Variants in SBF2 observed in about 807,000 individuals in gnomAD.
SBF2 encodes SET binding factor 2.
SBF2 carries 112 observed loss-of-function variants against 225.2 expected under a neutral mutation model. The ratio of observed to expected loss-of-function variants is 0.50; its 90% CI spans 0.43 to 0.58. The LOEUF (loss-of-function observed/expected upper bound fraction) is 0.58, where lower values mean the gene tolerates loss of function less well. Ranked by LOEUF, SBF2 falls within the 20% of genes least tolerant of loss-of-function variation. SBF2 has a pLI of 0.00. For synonymous variants in SBF2, 763 were observed against 773.3 expected (o/e 0.99, Z 0.22); for missense variants, 1,996 against 2,206.2 (o/e 0.90, Z 1.91).
At chr11:10,069,354 C>T (rs1950766844) in intron 2 of SBF2, among the ~76,000 whole-genome samples, 1 of 144,634 alleles carries the variant, frequency 6.9e-6, no homozygotes, top group Non-Finnish European at 1.5e-5. Flanking sequence ...TGTTCCCCAC[C>T]CTATTCCAAG....
chr11:10,196,876 T>TTTTTTTTTTTTTTTTTC (rs71034756), intron 1 of SBF2, among the ~76,000 whole-genome samples: 5 of 119,108 alleles, frequency 4.2e-5, no homozygotes, highest in African/African-American at 1.2e-4. Context: ...ATTTTTTTTT[T>TTTTTTTTTTTTTTTTTC]CCTACAAAAT....
chr11:10,072,275 A>C (rs1330580643), intron 2 of SBF2, among the ~76,000 whole-genome samples: 1 of 152,190 alleles, frequency 6.6e-6, no homozygotes, highest in Non-Finnish European at 1.5e-5. Flanking sequence ...AAAACTTCAC[A>C]AACGGTTTCT....
chr11:10,179,210 G>C lies in SBF2; in HGVS notation c.141+14692C>G, dbSNP rs151175883. Reference sequence around the variant, plus strand: ...GGACTGTTGTATGGTGGGGGGAGGCGGGAGGGATAGCATTGGGAGATATAT... The same window carrying C: ...GGACTGTTGTATGGTGGGGGGAGGCCGGAGGGATAGCATTGGGAGATATAT... On this transcript the variant is annotated intron_variant, in intron 2 of 39. Coordinates refer to ENST00000256190, the MANE Select transcript of SBF2 (RefSeq NM_030962.4). Among the ~76,000 whole-genome samples the C allele has an allele frequency of 3.1e-3, 469 of 151,392 alleles. 5 individuals carry two copies. The East Asian group carries it at 0.051, about 17-fold the overall frequency.
At chr11:10,052,468 CTTTG>C (rs906745516) in intron 2 of SBF2, among the ~76,000 whole-genome samples, 18 of 152,118 alleles carry the variant, frequency 1.2e-4, no homozygotes, top group African/African-American at 4.1e-4. Flanking sequence ...GTTCTTCTGT[CTTTG>C]TTTATCTCTA....
chr11:10,226,055 T>C (rs1020511394), intron 1 of SBF2, among the ~76,000 whole-genome samples: 1 of 152,132 alleles, frequency 6.6e-6, no homozygotes, highest in African/African-American at 2.4e-5. Flanking sequence ...ACTGAAAAAA[T>C]TTAAATGACC....
intron 16 of SBF2, among the ~76,000 whole-genome samples, chr11:9,936,740 G>C (rs1864927497): frequency 6.6e-6 from 1 of 152,172 alleles, no homozygotes; most frequent in Non-Finnish European, 1.5e-5. Flanking sequence ...CTCATAGGTG[G>C]GAATTGAACA....
At chr11:9,952,231 C>T (rs534455910) in intron 16 of SBF2, among the ~76,000 whole-genome samples, 78 of 138,240 alleles carry the variant, frequency 5.6e-4, no homozygotes, top group Admixed American at 3.6e-3. Flanking sequence ...CAGCCTCTCT[C>T]TCATAAAAAT....
intron 20 of SBF2, 97 bp from the exon 21 acceptor site, chr11:9,852,846 C>T (rs960844149): frequency 1.2e-5 from 11 of 955,034 alleles, no homozygotes; most frequent in Non-Finnish European, 1.7e-5. Flanking sequence ...TTACAGTTTA[C>T]TGGTTCCTCA....
intron 2 of SBF2, among the ~76,000 whole-genome samples, chr11:10,091,508 G>A (rs1048566090): frequency 1.3e-5 from 2 of 152,116 alleles, no homozygotes; most frequent in African/African-American, 4.8e-5. Flanking sequence ...CATAAAGAAA[G>A]TGCTCCATAA....
chr11:9,970,595 T>C (rs1299300155), intron 13 of SBF2, among the ~76,000 whole-genome samples: 1 of 152,200 alleles, frequency 6.6e-6, no homozygotes, highest in African/African-American at 2.4e-5. Flanking sequence ...ATATAGCTAG[T>C]ATGCCTCAGC....
chr11:10,122,600 A>C (rs374066091), intron 2 of SBF2, among the ~76,000 whole-genome samples: 9 of 152,230 alleles, frequency 5.9e-5, no homozygotes, highest in East Asian at 5.8e-4. Context: ...GATATCACAA[A>C]TCTTTATTAA....
intron 13 of SBF2, among the ~76,000 whole-genome samples, chr11:9,983,077 G>C (rs1947027143): frequency 6.6e-6 from 1 of 152,192 alleles, no homozygotes; most frequent in Admixed American, 6.5e-5. Flanking sequence ...AAGCCCCGGG[G>C]GTGGTGGGGG....
intron 36 of SBF2, among the ~76,000 whole-genome samples, chr11:9,785,569 G>T (rs529996431): frequency 8.5e-5 from 13 of 152,164 alleles, no homozygotes; most frequent in Non-Finnish European, 1.3e-4. Flanking sequence ...ATTAAAAAAT[G>T]ATGCTGCTAT....
chr11:9,973,944 G>A (rs960544466), intron 13 of SBF2, among the ~76,000 whole-genome samples: 12 of 152,128 alleles, frequency 7.9e-5, no homozygotes, highest in East Asian at 1.9e-4. Context: ...ATTATTTAAC[G>A]TGCACAAATT....
chr11:9,812,585 C>T lies in SBF2; in HGVS notation c.4102G>A (p.Asp1368Asn), dbSNP rs144063037. Residue 1368 changes from aspartate (D) to asparagine (N), a missense_variant, in exon 30 of 40, where the codon GAC (aspartate) becomes AAC (asparagine). By Grantham distance (23) the Asp-to-Asn change is conservative. Transcript: ENST00000256190. ...GCTTTCAGGAAGGTCACTTCTGAGT[C>T]AGTAGGGATGGTGCTTGGGATACAA... ...RACIPSTIPT[D>N]SEVTFLKALG... The T allele has an allele frequency of 6.2e-6, 10 of 1,614,198 alleles. No homozygotes were observed. Among genetic ancestry groups the T allele is most frequent in the Non-Finnish European group, 8.5e-6 (10 of 1,180,042 alleles).
intron 2 of SBF2, among the ~76,000 whole-genome samples, chr11:10,096,605 G>C (rs954470912): frequency 1.3e-5 from 2 of 151,978 alleles, no homozygotes; most frequent in African/African-American, 4.8e-5. Flanking sequence ...AAGTAATTAT[G>C]CAAGTACAAA....
chr11:10,240,989 A>G (rs1323262270), intron 1 of SBF2, among the ~76,000 whole-genome samples: 1 of 152,214 alleles, frequency 6.6e-6, no homozygotes, highest in African/African-American at 2.4e-5. Context: ...ATTAATATTA[A>G]TAGATTAAAC....
intron 23 of SBF2, among the ~76,000 whole-genome samples, chr11:9,846,350 A>C (rs988032585): frequency 6.6e-6 from 1 of 152,232 alleles, no homozygotes; most frequent in Admixed American, 6.5e-5. Flanking sequence ...AAATCTGAGA[A>C]GTGATGAAGA....
intron 16 of SBF2, among the ~76,000 whole-genome samples, chr11:9,925,958 C>A (rs954455831): frequency 3.7e-5 from 4 of 109,390 alleles, no homozygotes; most frequent in African/African-American, 1.5e-4. Flanking sequence ...TTGGAACCAA[C>A]GTGATAACGT....
Sources: gnomAD v4.1 joint callset for allele counts (sites outside exome capture counted in the v4.1 genomes callset) on GRCh38, gnomAD v4.1.1 for gene constraint, MANE v1.5 for transcripts, NCBI Gene and HGNC (gene_info 2026-07-23, HGNC 2026-07-21) for gene names.